PSG1: variants seen among roughly 807,000 people sequenced by gnomAD.
PSG1 encodes pregnancy specific beta-1-glycoprotein 1.
In PSG1, 60 loss-of-function variants were observed where a neutral mutation model predicts 41.4. The ratio of observed to expected loss-of-function variants is 1.45; its 90% CI spans 1.18 to 1.80. The LOEUF (loss-of-function observed/expected upper bound fraction) is 1.80, where lower values mean the gene tolerates loss of function less well. Ranked by LOEUF, PSG1 falls within the 40% of genes most tolerant of loss-of-function variation. The pLI, the probability that PSG1 is intolerant of heterozygous loss-of-function variation, is 0.00. For synonymous variants in PSG1, 256 were observed against 192.9 expected (o/e 1.33, Z -2.71); for missense variants, 806 against 516.9 (o/e 1.56, Z -5.42).
At position 42,866,899 on chromosome 19, in the gene PSG1, A is replaced by G; in HGVS notation, c.*235T>C. On this transcript the variant is annotated 3_prime_UTR_variant, in exon 6 of 6. Transcript: ENST00000436291. ...GTCTTGTTCTGACATCTTGGGAAAA[A>G]CTGTCCACAGTGTGAAGTCATCCAC... is the stretch of plus-strand genomic sequence containing the variant. The G allele has an allele frequency of 1.5e-6, 1 of 666,748 alleles. No homozygotes were observed. The highest frequency in any genetic ancestry group is 2.7e-6 in the Non-Finnish European group (1 of 365,430). 41.3% of individuals were successfully genotyped at this position (666,748 alleles called of 1,614,324 possible).
At chr19:42,876,374 G>C (rs7253121) in intron 2 of PSG1, among the ~76,000 whole-genome samples, 58,974 of 150,880 alleles carry the variant, frequency 0.39, 14,180 homozygotes, top group African/African-American at 0.64. Context: ...ATTACATGAG[G>C]TGGGGTGGCT....
intron 3 of PSG1, chr19:42,869,907 C>T (rs956163384): frequency 3.3e-5 from 5 of 151,750 alleles, no homozygotes; most frequent in Non-Finnish European, 4.4e-5. Flanking sequence ...ATCTGGTCCT[C>T]ATGAACCATG....
rs781367687 is a variant in PSG1 at position 42,868,353 on chromosome 19, C to G, written c.991G>C (p.Gly331Arg). The part of the protein sequence containing the change: ...SDPVTLNVLY[G>R]PDLPRIYPSF... ...GGGTAAATTCTGGGGAGGTCTGGAC[C>G]ATCTGGAGCAAAGAGAATAAAGCCA... Residue 331 changes from glycine to arginine, a missense_variant and splice_region_variant, in exon 5 of 6, where the codon GGT becomes CGT. Transcript: ENST00000436291. The G allele has an allele frequency of 8.1e-5, 130 of 1,605,916 alleles. 1 individual carries two copies. The highest frequency in any genetic ancestry group is 1.1e-4 in the Non-Finnish European group (125 of 1,175,098).
In PSG1 at chr19:42,868,134, C is replaced by T. The variant is rs534900744; in HGVS notation, c.1210G>A (p.Glu404Lys). Residue 404 changes from glutamate to lysine, a missense_variant, in exon 5 of 6, where the codon GAA becomes AAA. By Grantham distance (56) the Glu-to-Lys change is moderately conservative (BLOSUM62 1). Coordinates refer to ENST00000436291, the MANE Select transcript of PSG1 (RefSeq NM_001184825.2). Reference sequence around the variant, plus strand: ...TCGACTGTCATGGATTTGGAGCTTTCCTTGCCAGTGGCTGAGTTACGAACA... The same window carrying T: ...TCGACTGTCATGGATTTGGAGCTTTTCTTGCCAGTGGCTGAGTTACGAACA... The part of the protein sequence containing the change: ...CSVRNSATGK[E>K]SSKSMTVEVS... The T allele has an allele frequency of 3.2e-5, 52 of 1,612,346 alleles. 4 individuals are homozygous for T. The East Asian group carries it at 1.1e-3, about 35-fold the overall frequency.
intron 1 of PSG1, among the ~76,000 whole-genome samples, chr19:42,878,581 C>T (rs6509042): frequency 2.3e-5 from 3 of 132,064 alleles, no homozygotes; most frequent in Non-Finnish European, 4.8e-5. Context: ...GCATGGCCCC[C>T]TCCACAATGC....
In PSG1 at chr19:42,868,657, G is replaced by A. The variant is rs530455468; in HGVS notation, c.988+99C>T. The A allele has an allele frequency of 2.0e-4, 311 of 1,570,766 alleles. 8 individuals carry two copies. In the African/African-American group the frequency reaches 3.8e-3, roughly 19 times the overall value. The stretch of plus-strand genomic sequence containing the variant: ...CCAGCTCCGATGTCCAGAAGTAAAG[G>A]TGTCTATACTTGGACCGGAGAGAGA... On this transcript the variant is annotated intron_variant, in intron 4 of 5. Transcript: ENST00000436291.
chr19:42,871,060 T>G (rs1050319160), intron 3 of PSG1, among the ~76,000 whole-genome samples: 2 of 151,632 alleles, frequency 1.3e-5, no homozygotes, highest in African/African-American at 4.8e-5. Context: ...GATAGCTAGA[T>G]AGACTTCACT....
intron 2 of PSG1, among the ~76,000 whole-genome samples, chr19:42,876,103 T>A (rs1191535439): frequency 2.0e-5 from 3 of 151,324 alleles, no homozygotes; most frequent in Admixed American, 6.6e-5. Context: ...GGAAGGGAAC[T>A]GAACAGCCAG....
Position 42,866,907 on chromosome 19 carries a change from C to T in PSG1, c.*227G>A, listed in dbSNP as rs1971157255. ...CTGACATCTTGGGAAAAACTGTCCA[C>T]AGTGTGAAGTCATCCACTTGTTGTC... On this transcript the variant is annotated 3_prime_UTR_variant, in exon 6 of 6. Coordinates refer to ENST00000436291, the MANE Select transcript of PSG1 (RefSeq NM_001184825.2). 1 of 677,484 alleles carries T rather than the reference C, an allele frequency of 1.5e-6. No individual in the cohort carries two copies. The highest frequency in any genetic ancestry group is 2.7e-6 in the Non-Finnish European group (1 of 370,958). The allele number at this position is 677,484 out of a possible 1,614,324, so 42.0% of individuals were successfully genotyped here. A position where few individuals can be genotyped will look rare whatever the true frequency, so the allele number is the denominator to read the frequency against.
At chr19:42,867,185 A>G (rs1168126298) in intron 5 of PSG1, 35 bp from the exon 6 acceptor site, 2 of 765,600 alleles carry the variant, frequency 2.6e-6, no homozygotes, top group Non-Finnish European at 4.8e-6. Flanking sequence ...GAAACAATGA[A>G]CAGAGCTGCA....
At chr19:42,870,790 G>T (rs1273760228) in intron 3 of PSG1, 1 of 151,588 alleles carries the variant, frequency 6.6e-6, no homozygotes, top group Admixed American at 6.6e-5. Flanking sequence ...GCAATGGTTT[G>T]TAGTTTTCAG....
At chr19:42,874,333 T>G (rs1303274199) in intron 2 of PSG1, among the ~76,000 whole-genome samples, 1 of 151,044 alleles carries the variant, frequency 6.6e-6, no homozygotes, top group African/African-American at 2.4e-5. Context: ...TCAAAAGCAT[T>G]CTTCATTTCT....
Position 42,868,861 on chromosome 19 carries a change from G to C in PSG1, c.883C>G (p.Leu295Val), listed in dbSNP as rs767977301. The C allele has an allele frequency of 1.2e-6, 2 of 1,611,132 alleles. No individual in the cohort carries two copies. The highest frequency in any genetic ancestry group is 2.0e-4 in the Middle Eastern group (1 of 5,028). Residue 295 changes from leucine (L) to valine (V), a missense_variant, in exon 4 of 6, where the codon CTC becomes GTC. Transcript: ENST00000436291. ...TTTCTCGTGACACTGGGTAGAATGAGGATCCTGTTTTCAATGGGTCGCTTT... is the reference window on the plus strand; with the variant it reads ...TTTCTCGTGACACTGGGTAGAATGACGATCCTGTTTTCAATGGGTCGCTTT... ...RVKRPIENRI[L>V]ILPSVTRNET...
Position 42,868,794 on chromosome 19 carries a change from C to G in PSG1, c.950G>C (p.Gly317Ala). The G allele has an allele frequency of 6.2e-7, 1 of 1,612,026 alleles. No homozygotes were observed. Among genetic ancestry groups the G allele is most frequent in the Middle Eastern group, 1.7e-4 (1 of 5,894 alleles). Residue 317 changes from glycine (G) to alanine (A), a missense_variant, in exon 4 of 6, where the codon GGT (glycine) becomes GCT (alanine). Gly to Ala is a moderately conservative substitution (Grantham distance 60). Coordinates refer to ENST00000436291, the MANE Select transcript of PSG1 (RefSeq NM_001184825.2). ...GGTGACTGGGTCACTGCGGATGCCA[C>G]CATATCGGTCCCGTATTTCACATTG... is the stretch of plus-strand genomic sequence containing the variant. ...PYQCEIRDRY[G>A]GIRSDPVTLN...
intron 4 of PSG1, 61 bp downstream of exon 4, chr19:42,868,695 G>A (rs1600489854): frequency 2.5e-6 from 4 of 1,601,846 alleles, no homozygotes; most frequent in East Asian, 2.2e-5. Context: ...GAGAGGCCTG[G>A]CATCTGGTGG....
intron 1 of PSG1, among the ~76,000 whole-genome samples, chr19:42,879,153 TTTTC>T (rs1971755983): frequency 8.1e-6 from 1 of 122,906 alleles, no homozygotes. Context: ...TTTTTTTCTT[TTTTC>T]TTTTTTTTTT....
At position 42,866,770 on chromosome 19, in the gene PSG1, G is replaced by T. The variant is rs761639850; in HGVS notation, c.*364C>A. ...TGACACTCTGTTGTTACTCTCAGAA[G>T]CTACTACATGTGAAATTCTAATGAC... On this transcript the variant is annotated 3_prime_UTR_variant, in exon 6 of 6. Transcript: ENST00000436291. The T allele has an allele frequency of 6.5e-5, 34 of 520,160 alleles. 1 individual carries two copies. Among genetic ancestry groups the T allele is most frequent in the Non-Finnish European group, 1.1e-4 (31 of 288,332 alleles). The allele number at this position is 520,160 out of a possible 1,614,324, so 32.2% of individuals were successfully genotyped here.
chr19:42,875,538 A>G (rs1457608517), intron 2 of PSG1, among the ~76,000 whole-genome samples: 1 of 151,580 alleles, frequency 6.6e-6, no homozygotes, highest in Non-Finnish European at 1.5e-5. Context: ...CATACCTATG[A>G]CTAATGGCTC....
intron 5 of PSG1, chr19:42,867,660 C>T (rs907461589): frequency 8.0e-6 from 6 of 753,768 alleles, no homozygotes; most frequent in African/African-American, 5.3e-5. Context: ...TGAATAGTTG[C>T]CCAATTCTGG....
Sources: gnomAD v4.1 joint callset for allele counts (sites outside exome capture counted in the v4.1 genomes callset) on GRCh38, gnomAD v4.1.1 for gene constraint, MANE v1.5 for transcripts, NCBI Gene and HGNC (gene_info 2026-07-23, HGNC 2026-07-21) for gene names.